Variants in GLG1 observed in about 807,000 individuals in gnomAD.
GLG1 encodes the protein Golgi apparatus protein 1.
A neutral mutation model predicts 160.5 loss-of-function variants in GLG1; 38 were observed. The observed-to-expected ratio is 0.24, with a 90% CI of 0.18 to 0.31. The LOEUF is 0.31. Ranked by LOEUF, GLG1 falls within the 10% of genes least tolerant of loss-of-function variation. The pLI, the probability that GLG1 is intolerant of heterozygous loss-of-function variation, is 1.00. For synonymous variants in GLG1, 644 were observed against 543.4 expected (o/e 1.19, Z -2.57); for missense variants, 1,373 against 1,505.2 (o/e 0.91, Z 1.45).
intron 1 of GLG1, among the ~76,000 whole-genome samples, chr16:74,590,149 C>G (rs1958140317): frequency 6.6e-6 from 1 of 151,926 alleles, no homozygotes; most frequent in African/African-American, 2.4e-5. Context: ...AGGCGCACGC[C>G]ACCACACCCA....
chr16:74,568,928 C>G (rs999365291), intron 1 of GLG1, among the ~76,000 whole-genome samples: 7 of 152,184 alleles, frequency 4.6e-5, no homozygotes, highest in African/African-American at 1.7e-4. Flanking sequence ...CCGTAAATTA[C>G]TGTCAAGCCA....
intron 1 of GLG1, among the ~76,000 whole-genome samples, chr16:74,553,239 T>G (rs1411995388): frequency 6.6e-6 from 1 of 151,384 alleles, no homozygotes; most frequent in East Asian, 1.9e-4. Flanking sequence ...AAAAAAAATT[T>G]TTTTTAAAGA....
rs1488195727 is a variant in GLG1 at position 74,607,003 on chromosome 16, G to C, written c.92C>G (p.Pro31Arg). The stretch of plus-strand genomic sequence containing the variant: ...GCCCTGGCTGTGGACGCCCTGGCCG[G>C]GGAGTTTCTCGGCCCCGGCCGCGAA... The part of the protein sequence containing the change: ...LLFAAGAEKL[P>R]GQGVHSQGQG... The change falls in exon 1 of 26, where the codon CCC (proline) becomes CGC (arginine). Residue 31 changes from proline (P) to arginine (R), a missense_variant. Physicochemically the swap from Pro to Arg is moderately radical, Grantham distance 103. Coordinates refer to ENST00000422840, the MANE Select transcript of GLG1 (RefSeq NM_001145667.2). The C allele has an allele frequency of 2.5e-6, 4 of 1,604,746 alleles. No homozygotes were observed. The highest frequency in any genetic ancestry group is 1.7e-5 in the Admixed American group (1 of 58,948).
rs1229885715 is a variant in GLG1, at chr16:74,463,395, T to G, written c.2752A>C (p.Lys918Gln). Reference sequence around the variant, plus strand: ...ATCTGGCGCTTGGTTATCATCTGTTTGCATTTGGGATCCATCAATTCACTG... The same window carrying G: ...ATCTGGCGCTTGGTTATCATCTGTTGGCATTTGGGATCCATCAATTCACTG... ...KNSELMDPKC[K>Q]QMITKRQITQ... is the part of the protein sequence containing the mutation. Residue 918 changes from lysine (K) to glutamine (Q), a missense_variant, in exon 20 of 26, where the codon AAA becomes CAA. Around this residue, in one of 4 missense-constraint regions of GLG1, gnomAD observed 491 missense variants for 632.1 expected, o/e 0.78. Transcript: ENST00000422840. The G allele has an allele frequency of 2.5e-6, 4 of 1,614,164 alleles. No individual in the cohort carries two copies. The highest frequency in any genetic ancestry group is 3.4e-6 in the Non-Finnish European group (4 of 1,179,964).
chr16:74,536,657 CAG>C (rs1254358742), intron 1 of GLG1, among the ~76,000 whole-genome samples: 1 of 152,092 alleles, frequency 6.6e-6, no homozygotes, highest in Non-Finnish European at 1.5e-5. Context: ...AAGAAAATAA[CAG>C]AGCTTCTGTT....
At chr16:74,493,206 T>C in intron 6 of GLG1, 66 bp from the exon 7 acceptor site, 1 of 1,051,808 alleles carries the variant, frequency 9.5e-7, no homozygotes, top group South Asian at 1.5e-5. Flanking sequence ...CGTGTACCAC[T>C]AAGATGAGCA....
intron 1 of GLG1, among the ~76,000 whole-genome samples, chr16:74,577,997 A>G (rs1237522644): frequency 2.0e-5 from 3 of 151,964 alleles, no homozygotes; most frequent in African/African-American, 7.2e-5. Context: ...GTAGAGAAAG[A>G]CCTTGTCTCT....
At chr16:74,502,679 G>A (rs1473750518) in intron 4 of GLG1, among the ~76,000 whole-genome samples, 1 of 150,414 alleles carries the variant, frequency 6.6e-6, no homozygotes, top group Non-Finnish European at 1.5e-5. Flanking sequence ...AAGTAGCTGG[G>A]ACTACAGACA....
intron 2 of GLG1, among the ~76,000 whole-genome samples, chr16:74,528,109 T>A (rs1047004490): frequency 6.6e-6 from 1 of 151,896 alleles, no homozygotes; most frequent in Non-Finnish European, 1.5e-5. Context: ...ATGGTCTCGA[T>A]CTCCTGACCT....
chr16:74,483,690 G>A (rs1368991298), intron 9 of GLG1, among the ~76,000 whole-genome samples: 1 of 146,672 alleles, frequency 6.8e-6, no homozygotes, highest in Admixed American at 6.9e-5. Flanking sequence ...ATGGAGTCTC[G>A]CTCTGTCGCC....
chr16:74,531,062 G>A (rs1372238273), intron 2 of GLG1, among the ~76,000 whole-genome samples: 1 of 152,142 alleles, frequency 6.6e-6, no homozygotes, highest in African/African-American at 2.4e-5. Context: ...AGATATAGAT[G>A]CAGATATATA....
At chr16:74,494,172 C>CA (rs56194630) in intron 6 of GLG1, among the ~76,000 whole-genome samples, 138,885 of 147,702 alleles carry the variant, frequency 0.94, 65,454 homozygotes, top group East Asian at 0.98. Flanking sequence ...AGACTCCACT[C>CA]AAAAAAAAAC....
Position 74,448,557 on chromosome 16 carries a change from G to A in GLG1, c.*4610C>T, listed in dbSNP as rs1132843. ...ATGTGGTCAGGAGTTCGAAACCAGC[G>A]TGGCCAACATGATGAAATCCTGTCT... On this transcript the variant is annotated 3_prime_UTR_variant, in exon 26 of 26. Coordinates refer to ENST00000422840, the MANE Select transcript of GLG1 (RefSeq NM_001145667.2). 47,140 of 151,980 alleles carry A rather than the reference G, an allele frequency of 0.31. 7,556 individuals are homozygous for A. Among genetic ancestry groups the A allele is most frequent in the Middle Eastern group, 0.39 (114 of 294 alleles). The allele number at this position is 151,980 out of a possible 1,614,324, so 9.4% of individuals were successfully genotyped here. A position where few individuals can be genotyped will look rare whatever the true frequency, so the allele number is the denominator to read the frequency against.
At chr16:74,590,890 A>G (rs1358969541) in intron 1 of GLG1, among the ~76,000 whole-genome samples, 1 of 151,734 alleles carries the variant, frequency 6.6e-6, no homozygotes, top group African/African-American at 2.4e-5. Context: ...GGTTCTAACA[A>G]ACCTACCAAA....
intron 6 of GLG1, 150 bp from the exon 7 acceptor site, chr16:74,493,290 G>A (rs2016069774): frequency 1.8e-6 from 1 of 557,026 alleles, no homozygotes; most frequent in Non-Finnish European, 3.2e-6. Context: ...TGGTTAAAAT[G>A]TTCACAATTG....
At chr16:74,584,588 G>A (rs566718274) in intron 1 of GLG1, among the ~76,000 whole-genome samples, 14 of 152,052 alleles carry the variant, frequency 9.2e-5, no homozygotes, top group Non-Finnish European at 1.5e-4. Flanking sequence ...CTGGGGACTT[G>A]GGGTAGAGGG....
In GLG1 at chr16:74,477,547, A is replaced by T; in HGVS notation, c.1828-14T>A. 4 of 1,605,828 alleles carry T rather than the reference A, an allele frequency of 2.5e-6. No homozygotes were observed. The highest frequency in any genetic ancestry group is 3.4e-6 in the Non-Finnish European group (4 of 1,174,820). Reference sequence around the variant, plus strand: ...CTCCCGTGAGAGCTGCATGAGAAAAAATGAGCTAAATACTTGAAAGGTAAC... The same window carrying T: ...CTCCCGTGAGAGCTGCATGAGAAAATATGAGCTAAATACTTGAAAGGTAAC... On this transcript the variant is annotated splice_polypyrimidine_tract_variant and intron_variant, in intron 11 of 25. Coordinates refer to ENST00000422840, the MANE Select transcript of GLG1 (RefSeq NM_001145667.2).
chr16:74,595,363 T>C (rs565782587), intron 1 of GLG1, among the ~76,000 whole-genome samples: 92 of 151,302 alleles, frequency 6.1e-4, no homozygotes, highest in Admixed American at 5.7e-3. Flanking sequence ...CGTTGAAACC[T>C]GGTCTCTACT....
chr16:74,509,573 G>A (rs866964992), intron 2 of GLG1, among the ~76,000 whole-genome samples: 1 of 151,970 alleles, frequency 6.6e-6, no homozygotes, highest in Admixed American at 6.6e-5. Context: ...AAAATTGCCA[G>A]GCGCGGTGGC....
Sources: allele counts gnomAD v4.1 joint callset (sites outside exome capture counted in the v4.1 genomes callset), GRCh38; gene constraint gnomAD v4.1.1; regional missense constraint gnomAD v4.1.1; transcripts MANE v1.5; gene names NCBI Gene and HGNC (gene_info 2026-07-23, HGNC 2026-07-21).